Variants in CATSPER2 observed in about 807,000 individuals in gnomAD.
The protein encoded by CATSPER2 is cation channel sperm-associated protein 2.
A neutral mutation model predicts 68.8 loss-of-function variants in CATSPER2; 56 were observed. The observed-to-expected ratio is 0.81, with a 90% CI of 0.66 to 1.02. The LOEUF is 1.02. CATSPER2 is among the 50% of genes least tolerant of loss of function. The probability of loss-of-function intolerance (pLI) is 0.00; values close to 1 mark genes in which losing one functional copy is unlikely to be tolerated. For synonymous variants in CATSPER2, 198 were observed against 229.9 expected (o/e 0.86, Z 1.26); for missense variants, 582 against 642.0 (o/e 0.91, Z 1.01).
In CATSPER2 at chr15:43,647,554, T is replaced by C. The variant is rs989095435; in HGVS notation, c.146-87A>G. ...GGGGGCAGGGATACTGGTCAGGTAA[T>C]GGGTTCCCCTAATGCCTTACTGCTA... On this transcript the variant is annotated intron_variant, in intron 2 of 12. Transcript: ENST00000396879. The C allele has an allele frequency of 8.0e-6, 10 of 1,251,320 alleles. No homozygotes were observed. In the Admixed American group the frequency reaches 1.0e-4, roughly 13 times the overall value. The allele number at this position is 1,251,320 out of a possible 1,614,324, so 77.5% of individuals were successfully genotyped here. A position where few individuals can be genotyped will look rare whatever the true frequency, so the allele number is the denominator to read the frequency against.
At chr15:43,641,121 T>TG (rs2086065499) in intron 4 of CATSPER2, among the ~76,000 whole-genome samples, 1 of 137,648 alleles carries the variant, frequency 7.3e-6, no homozygotes, top group Admixed American at 7.0e-5. Context: ...TTTTGTTTTT[T>TG]GTTTTTTTTT....
rs2085845649 is a variant in CATSPER2, at chr15:43,629,665, T to C, written c.*1036A>G. The C allele has an allele frequency of 2.0e-5, 3 of 148,856 alleles. No individual in the cohort carries two copies. Among genetic ancestry groups the C allele is most frequent in the Admixed American group, 6.7e-5 (1 of 14,936 alleles). 9.2% of individuals were successfully genotyped at this position (148,856 alleles called of 1,614,324 possible). On this transcript the variant is annotated 3_prime_UTR_variant, in exon 13 of 13. Transcript: ENST00000396879. ...TAAGCATTACCTGGATAATCCTCCT[T>C]TCAGTGATGTTCTAAAAGGTGTTCC...
At chr15:43,640,818 C>G (rs35333173) in intron 4 of CATSPER2, among the ~76,000 whole-genome samples, 20,266 of 151,832 alleles carry the variant, frequency 0.13, 1,722 homozygotes, top group Middle Eastern at 0.25. Context: ...TACCTCCAAA[C>G]CCCACCCCCA....
chr15:43,647,861 T>C (rs2086198868), intron 2 of CATSPER2, 56 bp downstream of exon 2: 2 of 1,577,634 alleles, frequency 1.3e-6, no homozygotes, highest in Admixed American at 1.7e-5. Context: ...CTCTTAAATG[T>C]AGAGGATGTG....
chr15:43,644,018 G>T (rs1281633379), intron 4 of CATSPER2, among the ~76,000 whole-genome samples: 1 of 151,848 alleles, frequency 6.6e-6, no homozygotes, highest in East Asian at 1.9e-4. Context: ...CACTTGCATT[G>T]TGTTATTTTC....
At position 43,632,393 on chromosome 15, in the gene CATSPER2, G is replaced by A. The variant is rs772814797; in HGVS notation, c.1397-30C>T. ...AGGGAGGAATGCTTCAGAAAAGCAC[G>A]TCTAGATTTGTAAAAGTTGGGTAAG... On this transcript the variant is annotated intron_variant, in intron 11 of 12. Transcript: ENST00000396879. 29 of 1,611,522 alleles carry A rather than the reference G, an allele frequency of 1.8e-5. 1 individual carries two copies. In the East Asian group the frequency reaches 2.5e-4, roughly 14 times the overall value.
chr15:43,636,943 C>G (rs1335942044), intron 7 of CATSPER2, among the ~76,000 whole-genome samples: 3 of 151,694 alleles, frequency 2.0e-5, no homozygotes, highest in African/African-American at 7.3e-5. Flanking sequence ...TCACCTCAGC[C>G]TCCCGAGTAG....
intron 3 of CATSPER2, 28 bp from the exon 4 acceptor site, chr15:43,647,146 G>A (rs778831968): frequency 1.9e-6 from 3 of 1,594,800 alleles, no homozygotes; most frequent in Admixed American, 3.3e-5. Context: ...AATGTACAGA[G>A]TGGAGTTCTT....
intron 12 of CATSPER2, 127 bp downstream of exon 12, chr15:43,632,072 C>G: frequency 9.5e-7 from 1 of 1,053,116 alleles, no homozygotes; most frequent in Non-Finnish European, 1.5e-6. Flanking sequence ...TAGTTTCTGC[C>G]TATTTTAGTT....
In CATSPER2 at chr15:43,632,716, C is replaced by T; in HGVS notation, c.1396+1G>A. 6.2e-7 allele frequency: 1 copy of T among 1,613,454 alleles called. No homozygotes were observed. Among genetic ancestry groups the T allele is most frequent in the Non-Finnish European group, 8.5e-7 (1 of 1,179,642 alleles). ...CTCATTATTATAGTTCTTCGGCTCA[C>T]CAATAGATTCAGAAAATCTGGATTC... On this transcript the variant is annotated splice_donor_variant, in intron 11 of 12. Coordinates refer to ENST00000396879, the MANE Select transcript of CATSPER2 (RefSeq NM_172095.4). LOFTEE classifies it high-confidence loss of function.
intron 4 of CATSPER2, among the ~76,000 whole-genome samples, chr15:43,644,753 A>G (rs2086131544): frequency 6.6e-6 from 1 of 151,986 alleles, no homozygotes; most frequent in South Asian, 2.1e-4. Context: ...TACCCCATCC[A>G]TGGAAAAACT....
chr15:43,644,347 A>C (rs1171247474), intron 4 of CATSPER2, among the ~76,000 whole-genome samples: 2 of 152,020 alleles, frequency 1.3e-5, no homozygotes, highest in African/African-American at 4.8e-5. Context: ...TAATAAAATA[A>C]AATTTCCAGG....
chr15:43,648,062 G>A lies in CATSPER2; in HGVS notation c.-1C>T. ...GCTCTTCTTGTTGGTAAGCGGCCAT[G>A]TCTGCTAAGAAAATGTAAGCATCAA... On this transcript the variant is annotated splice_region_variant and 5_prime_UTR_variant, in exon 2 of 13. Coordinates refer to ENST00000396879, the MANE Select transcript of CATSPER2 (RefSeq NM_172095.4). 7 of 1,613,574 alleles carry A rather than the reference G, an allele frequency of 4.3e-6. No homozygotes were observed. Among genetic ancestry groups the A allele is most frequent in the Non-Finnish European group, 5.9e-6 (7 of 1,179,662 alleles).
intron 7 of CATSPER2, among the ~76,000 whole-genome samples, chr15:43,636,743 G>T (rs951563393): frequency 1.3e-5 from 2 of 151,298 alleles, no homozygotes; most frequent in Non-Finnish European, 2.9e-5. Flanking sequence ...TATTCCATTA[G>T]TTCTTGGGTA....
intron 4 of CATSPER2, among the ~76,000 whole-genome samples, chr15:43,646,818 G>A (rs1216916910): frequency 2.7e-5 from 4 of 150,124 alleles, no homozygotes; most frequent in Non-Finnish European, 4.4e-5. Flanking sequence ...GGGTTTAAGC[G>A]ATTCTCCTGC....
Position 43,632,197 on chromosome 15 carries a change from A to G in CATSPER2, c.1561+2T>C. On this transcript the variant is annotated splice_donor_variant, in intron 12 of 12. Transcript: ENST00000396879. LOFTEE classifies it high-confidence loss of function. ...GTCCCCATGACTGCCCTAACTCCAT[A>G]CCTGCAAACTCTTGTAACTTCTTAC... The G allele has an allele frequency of 6.2e-6, 10 of 1,613,284 alleles. No homozygotes were observed. Among genetic ancestry groups the G allele is most frequent in the Non-Finnish European group, 8.5e-6 (10 of 1,179,470 alleles).
chr15:43,636,502 T>C (rs1454311320), intron 7 of CATSPER2, among the ~76,000 whole-genome samples: 1 of 151,810 alleles, frequency 6.6e-6, no homozygotes, highest in Non-Finnish European at 1.5e-5. Flanking sequence ...GAGATTCTCC[T>C]GCCTCAGCCT....
chr15:43,646,927 G>T (rs1472400215), intron 4 of CATSPER2, 123 bp downstream of exon 4: 1 of 823,684 alleles, frequency 1.2e-6, no homozygotes, highest in Non-Finnish European at 2.1e-6. Flanking sequence ...ATGTTGCCCA[G>T]GCTGGTCTCC....
At chr15:43,648,336 A>C (rs1205237977) in intron 1 of CATSPER2, among the ~76,000 whole-genome samples, 1 of 151,970 alleles carries the variant, frequency 6.6e-6, no homozygotes, top group Non-Finnish European at 1.5e-5. Flanking sequence ...AAAACTCATT[A>C]AAAACAAAAC....
Sources: allele counts gnomAD v4.1 joint callset (sites outside exome capture counted in the v4.1 genomes callset), GRCh38; gene constraint gnomAD v4.1.1; transcripts MANE v1.5; gene names NCBI Gene and HGNC (gene_info 2026-07-23, HGNC 2026-07-21).